RGS12: variants seen among roughly 807,000 people sequenced by gnomAD.
RGS12 encodes the protein regulator of G protein signaling 12.
In RGS12, 66 loss-of-function variants were observed where a neutral mutation model predicts 120.1. The ratio of observed to expected loss-of-function variants is 0.55; its 90% CI spans 0.45 to 0.67. The LOEUF (loss-of-function observed/expected upper bound fraction) is 0.67, where lower values mean the gene tolerates loss of function less well. Ranked by LOEUF, RGS12 falls within the 30% of genes least tolerant of loss-of-function variation. The pLI is 0.00. For synonymous variants in RGS12, 827 were observed against 804.7 expected (o/e 1.03, Z -0.47); for missense variants, 1,859 against 1,957.7 (o/e 0.95, Z 0.95).
rs186145813 is a variant in RGS12 at position 3,380,884 on chromosome 4, C to T, written c.1999-5532C>T. ...CCTGGAGACATTTTCATCATTGTCT[C>T]AGTGATTAACATTTGGCTCCTTATT... On this transcript the variant is annotated intron_variant, in intron 3 of 17. Transcript: ENST00000336727. Among the ~76,000 whole-genome samples the T allele has an allele frequency of 1.0e-3, 156 of 152,336 alleles. 1 individual carries two copies. Among genetic ancestry groups the T allele is most frequent in the African/African-American group, 3.6e-3 (150 of 41,578 alleles).
intron 4 of RGS12, among the ~76,000 whole-genome samples, chr4:3,412,238 G>A (rs1179099639): frequency 6.6e-6 from 1 of 152,230 alleles, no homozygotes; most frequent in Non-Finnish European, 1.5e-5. Flanking sequence ...GGACACTGTT[G>A]GATCAAAGCC....
intron 3 of RGS12, 38 bp downstream of exon 3, chr4:3,343,091 G>T: frequency 6.6e-7 from 1 of 1,510,334 alleles, no homozygotes; most frequent in Non-Finnish European, 9.2e-7. Flanking sequence ...TCTCCTTCAA[G>T]TTTTAAAAAA....
chr4:3,317,932 G>A lies in RGS12; in HGVS notation c.1762G>A (p.Gly588Ser), dbSNP rs1724905876. ...KIPADRYRVE[G>S]SFAQPPLNAP... Reference sequence around the variant, plus strand: ...CCCCGCAGACCGCTACAGGGTGGAGGGCAGCTTCGCGCAGCCCCCGCTGAA... The same window carrying A: ...CCCCGCAGACCGCTACAGGGTGGAGAGCAGCTTCGCGCAGCCCCCGCTGAA... Residue 588 changes from glycine to serine, a missense_variant, in exon 2 of 18, where the codon GGC becomes AGC. Gly to Ser is a moderately conservative substitution (Grantham distance 56, BLOSUM62 0). Coordinates refer to ENST00000336727, the MANE Select transcript of RGS12 (RefSeq NM_001394154.1). The A allele has an allele frequency of 6.2e-7, 1 of 1,614,066 alleles. No individual in the cohort carries two copies. The highest frequency in any genetic ancestry group is 8.5e-7 in the Non-Finnish European group (1 of 1,180,040).
chr4:3,388,632 C>A (rs1019760617), intron 4 of RGS12, among the ~76,000 whole-genome samples: 13 of 152,136 alleles, frequency 8.5e-5, no homozygotes, highest in African/African-American at 2.7e-4. Context: ...CTGGAGAGTC[C>A]CCCGCTCCAG....
chr4:3,287,559 C>T, the RGS12 span, among the ~76,000 whole-genome samples: 1 of 152,230 alleles, frequency 6.6e-6, no homozygotes, highest in East Asian at 1.9e-4. Flanking sequence ...ACCTCCCCAG[C>T]CCCTGGCCCT....
At chr4:3,397,610 G>C (rs1212006948) in intron 4 of RGS12, among the ~76,000 whole-genome samples, 2 of 152,218 alleles carry the variant, frequency 1.3e-5, no homozygotes, top group Non-Finnish European at 2.9e-5. Flanking sequence ...GGGAAGACTA[G>C]GGTGGGAGGA....
rs182495856 is a variant in RGS12, at chr4:3,435,171, C to T, written c.4114+4216C>T. Among the ~76,000 whole-genome samples, 92 of 152,262 alleles carry T rather than the reference C, an allele frequency of 6.0e-4. 5 individuals carry two copies. The South Asian group carries it at 0.012, about 21-fold the overall frequency. On this transcript the variant is annotated intron_variant, in intron 17 of 17. Coordinates refer to ENST00000336727, the MANE Select transcript of RGS12 (RefSeq NM_001394154.1). ...GCCCAGTGGCTGCCCTCAGGGCCCC[C>T]GGAGCTCAGCTACCTGCCAGATGTG...
chr4:3,386,329 C>A (rs980288383), intron 3 of RGS12, 87 bp from the exon 4 acceptor site: 5 of 1,271,050 alleles, frequency 3.9e-6, no homozygotes, highest in Non-Finnish European at 5.8e-6. Flanking sequence ...CAGAGTCTGC[C>A]CCTTGTGTTC....
chr4:3,431,310 GCGAT>G (rs1724278482), intron 17 of RGS12: 1 of 1,125,364 alleles, frequency 8.9e-7, no homozygotes, highest in African/African-American at 1.6e-5. Context: ...AATCTGGACA[GCGAT>G]CGTTTTTAGT....
At chr4:3,420,390 T>C in intron 9 of RGS12, 1 of 571,714 alleles carries the variant, frequency 1.7e-6, no homozygotes, top group Non-Finnish European at 3.1e-6. Context: ...GATGTGGCAG[T>C]AGACAGGGCA....
Position 3,439,702 on chromosome 4 carries a change from A to T in RGS12, c.*18A>T. 1 of 1,482,848 alleles carries T rather than the reference A, an allele frequency of 6.7e-7. No homozygotes were observed. The highest frequency in any genetic ancestry group is 9.0e-7 in the Non-Finnish European group (1 of 1,114,236). The allele number at this position is 1,482,848 out of a possible 1,614,324, so 91.9% of individuals were successfully genotyped here. A position where few individuals can be genotyped will look rare whatever the true frequency, so the allele number is the denominator to read the frequency against. On this transcript the variant is annotated 3_prime_UTR_variant, in exon 18 of 18. Coordinates refer to ENST00000336727, the MANE Select transcript of RGS12 (RefSeq NM_001394154.1). The stretch of plus-strand genomic sequence containing the variant: ...TCGTCTGAGCTGCCCTGGCCTGGCC[A>T]ACTCTCCTGTGGACATGTCGGGGTG...
At chr4:3,377,477 T>C (rs1053691620) in intron 3 of RGS12, among the ~76,000 whole-genome samples, 1 of 152,232 alleles carries the variant, frequency 6.6e-6, no homozygotes, top group Non-Finnish European at 1.5e-5. Flanking sequence ...TTTAGGAACA[T>C]CAAGTGGTGA....
intron 3 of RGS12, among the ~76,000 whole-genome samples, chr4:3,354,783 A>G (rs1714705703): frequency 6.6e-6 from 1 of 152,234 alleles, no homozygotes; most frequent in Admixed American, 6.5e-5. Context: ...CAGTGTATAC[A>G]TTAGAAGGAA....
At chr4:3,386,916 C>G (rs1270676548) in intron 4 of RGS12, among the ~76,000 whole-genome samples, 1 of 152,192 alleles carries the variant, frequency 6.6e-6, no homozygotes, top group Non-Finnish European at 1.5e-5. Context: ...AACTTACTTT[C>G]TGTGTTTAAA....
intron 3 of RGS12, among the ~76,000 whole-genome samples, chr4:3,356,757 G>C (rs920086367): frequency 6.6e-6 from 1 of 152,146 alleles, no homozygotes; most frequent in Non-Finnish European, 1.5e-5. Context: ...ATATTCTACT[G>C]TATGGATATA....
chr4:3,394,002 A>C (rs569084778), intron 4 of RGS12, among the ~76,000 whole-genome samples: 2 of 152,164 alleles, frequency 1.3e-5, no homozygotes, highest in Non-Finnish European at 2.9e-5. Context: ...GAAGCTGCCC[A>C]GCCCAGGTTG....
At chr4:3,313,798 C>T (rs1724563180) in intron 1 of RGS12, among the ~76,000 whole-genome samples, 1 of 152,172 alleles carries the variant, frequency 6.6e-6, no homozygotes, top group Non-Finnish European at 1.5e-5. Flanking sequence ...CAGGCTCACA[C>T]AGGCGCACCC....
In RGS12 at chr4:3,347,431, G is replaced by A. The variant is rs377520282; in HGVS notation, c.1998+4378G>A. 2.3e-3 allele frequency among the ~76,000 whole-genome samples: 346 copies of A among 152,274 alleles called. 2 individuals carry two copies. The highest frequency in any genetic ancestry group is 8.0e-3 in the African/African-American group (332 of 41,554). ...TGCACTCCAGCCTAGGCAACAGAGTGAGACTCTGTCTCAAAAAAAGAAAGA... is the reference window on the plus strand; with the variant it reads ...TGCACTCCAGCCTAGGCAACAGAGTAAGACTCTGTCTCAAAAAAAGAAAGA... On this transcript the variant is annotated intron_variant, in intron 3 of 17. Coordinates refer to ENST00000336727, the MANE Select transcript of RGS12 (RefSeq NM_001394154.1).
At chr4:3,334,412 A>G in intron 2 of RGS12, among the ~76,000 whole-genome samples, 1 of 152,148 alleles carries the variant, frequency 6.6e-6, no homozygotes, top group Non-Finnish European at 1.5e-5. Context: ...TTATACACTG[A>G]TGTATTTGGT....
Sources: gnomAD v4.1 joint callset for allele counts (sites outside exome capture counted in the v4.1 genomes callset) on GRCh38, gnomAD v4.1.1 for gene constraint, MANE v1.5 for transcripts, NCBI Gene and HGNC (gene_info 2026-07-23, HGNC 2026-07-21) for gene names.